SLC6A6: variants seen among roughly 807,000 people sequenced by gnomAD.
The protein encoded by SLC6A6 is sodium- and chloride-dependent taurine transporter.
Under a neutral mutation model 68.8 loss-of-function variants are expected in SLC6A6, and 16 were observed. The ratio of observed to expected loss-of-function variants is 0.23; its 90% CI spans 0.16 to 0.35. The LOEUF (loss-of-function observed/expected upper bound fraction) is 0.35, where lower values mean the gene tolerates loss of function less well. Ranked by LOEUF, SLC6A6 falls within the 10% of genes least tolerant of loss-of-function variation. The pLI is 1.00. For synonymous variants in SLC6A6, 312 were observed against 315.4 expected, an observed-to-expected ratio of 0.99 and a Z score of 0.12; for missense variants, 474 against 802.8, an observed-to-expected ratio of 0.59 and a Z score of 4.95.
At chr3:14,410,879 C>T (rs1401050479) in intron 1 of SLC6A6, among the ~76,000 whole-genome samples, 1 of 152,204 alleles carries the variant, frequency 6.6e-6, no homozygotes. Flanking sequence ...TCAGCAGAGT[C>T]ATGCTTACTG....
At chr3:14,459,916 G>A (rs1340271658) in intron 6 of SLC6A6, among the ~76,000 whole-genome samples, 1 of 92,326 alleles carries the variant, frequency 1.1e-5, no homozygotes, top group Admixed American at 1.5e-4. Context: ...TTTGTAATTT[G>A]AGGTGGGGTC....
chr3:14,449,932 G>C (rs747290060), intron 5 of SLC6A6, among the ~76,000 whole-genome samples: 4 of 151,812 alleles, frequency 2.6e-5, no homozygotes, highest in African/African-American at 4.8e-5. Flanking sequence ...TTGTATTTTT[G>C]GTAGAGATGG....
intron 1 of SLC6A6, among the ~76,000 whole-genome samples, chr3:14,408,191 C>CCATT (rs1229133970): frequency 6.6e-6 from 1 of 152,272 alleles, no homozygotes; most frequent in Non-Finnish European, 1.5e-5. Context: ...AACTGGTAAA[C>CCATT]CATTCACTTT....
chr3:14,444,999 A>C (rs1042167903), intron 3 of SLC6A6: 1 of 376,282 alleles, frequency 2.7e-6, no homozygotes, highest in Non-Finnish European at 5.3e-6. Context: ...TGCCCTGGGC[A>C]GGCCTGGGGA....
chr3:14,460,488 A>G (rs945975874), intron 6 of SLC6A6, among the ~76,000 whole-genome samples: 4 of 151,986 alleles, frequency 2.6e-5, no homozygotes, highest in African/African-American at 9.7e-5. Flanking sequence ...TGGAGGGGAA[A>G]ATCTCCAGGT....
intron 6 of SLC6A6, among the ~76,000 whole-genome samples, chr3:14,461,630 G>C (rs542618160): frequency 6.6e-6 from 1 of 152,288 alleles, no homozygotes; most frequent in South Asian, 2.1e-4. Context: ...AGCTCTTTTT[G>C]CCTGGTTAAA....
intron 7 of SLC6A6, among the ~76,000 whole-genome samples, chr3:14,467,629 C>T (rs983339794): frequency 6.6e-6 from 1 of 152,200 alleles, no homozygotes; most frequent in African/African-American, 2.4e-5. Context: ...CCTCTTAACC[C>T]TGATGCTAGG....
chr3:14,466,204 G>T (rs1190340046), intron 6 of SLC6A6, among the ~76,000 whole-genome samples: 1 of 150,524 alleles, frequency 6.6e-6, no homozygotes, highest in African/African-American at 2.4e-5. Flanking sequence ...GGAGGTTGCA[G>T]TGAGCCGAGA....
chr3:14,488,878 A>G lies in SLC6A6; in HGVS notation c.*3871A>G. On this transcript the variant is annotated 3_prime_UTR_variant, in exon 15 of 15. Coordinates refer to ENST00000622186, the MANE Select transcript of SLC6A6 (RefSeq NM_003043.6). ...TCTCCGAGGGATGGAGCATCCTGTT[A>G]TATATTTGACTTCAAATTGAGATGT... 6.6e-6 allele frequency: 1 copy of G among 152,352 alleles called. No homozygotes were observed. The highest frequency in any genetic ancestry group is 1.9e-4 in the East Asian group (1 of 5,190). The allele number at this position is 152,352 out of a possible 1,614,324, so 9.4% of individuals were successfully genotyped here.
At chr3:14,461,924 C>T (rs568663242) in intron 6 of SLC6A6, among the ~76,000 whole-genome samples, 48 of 152,080 alleles carry the variant, frequency 3.2e-4, no homozygotes, top group Non-Finnish European at 4.7e-4. Context: ...AAAGGATGCC[C>T]GGCTCCCCCT....
Position 14,443,855 on chromosome 3 carries a change from A to G in SLC6A6, c.221A>G (p.Asn74Ser). The change falls in exon 3 of 15, where the codon AAT (asparagine) becomes AGT (serine). Residue 74 changes from asparagine to serine, a missense_variant. By Grantham distance (46) the Asn-to-Ser change is conservative (BLOSUM62 1). Around this residue, in one of 2 missense-constraint regions of SLC6A6, gnomAD observed 280 missense variants for 533.1 expected, o/e 0.53. Transcript: ENST00000622186. ...CGCTTCCCGTACCTCTGCTACAAGAATGGTGGAGGTGAGCTTGGGCCGGGC... is the reference window on the plus strand; with the variant it reads ...CGCTTCCCGTACCTCTGCTACAAGAGTGGTGGAGGTGAGCTTGGGCCGGGC... ...VWRFPYLCYKNGGGAFLIPYF... is the reference protein window; with the variant it reads ...VWRFPYLCYKSGGGAFLIPYF... 3 of 1,611,274 alleles carry G rather than the reference A, an allele frequency of 1.9e-6. No homozygotes were observed. The highest frequency in any genetic ancestry group is 2.5e-6 in the Non-Finnish European group (3 of 1,177,422).
At chr3:14,480,994 A>G (rs1027576913) in intron 13 of SLC6A6, among the ~76,000 whole-genome samples, 6 of 152,196 alleles carry the variant, frequency 3.9e-5, no homozygotes, top group Admixed American at 2.6e-4. Context: ...AGAGATAGAC[A>G]TGGAGGGTGG....
At chr3:14,441,540 G>A (rs1289703624) in intron 2 of SLC6A6, among the ~76,000 whole-genome samples, 1 of 152,228 alleles carries the variant, frequency 6.6e-6, no homozygotes, top group East Asian at 1.9e-4. Flanking sequence ...TGGTCTGCTG[G>A]CCGCCAGATA....
intron 1 of SLC6A6, among the ~76,000 whole-genome samples, chr3:14,415,651 A>G (rs1337340514): frequency 6.6e-6 from 1 of 152,180 alleles, no homozygotes; most frequent in Non-Finnish European, 1.5e-5. Context: ...TGGTAGGAGG[A>G]GGTGATCTGC....
Position 14,481,486 on chromosome 3 carries a change from G to A in SLC6A6, c.1552-185G>A, listed in dbSNP as rs979644214. ...ACAGAAGGGTTTTGAGCAGGGAAACGACTTACTGTGTTTTTACCGGGGCGG... is the reference window on the plus strand; with the variant it reads ...ACAGAAGGGTTTTGAGCAGGGAAACAACTTACTGTGTTTTTACCGGGGCGG... On this transcript the variant is annotated intron_variant, in intron 13 of 14. Transcript: ENST00000622186. The surrounding 1 kb of genome is among the most constrained non-coding windows in gnomAD (Gnocchi z 4.7). Among the ~76,000 whole-genome samples the A allele has an allele frequency of 2.6e-5, 4 of 152,016 alleles. No individual in the cohort carries two copies. Among genetic ancestry groups the A allele is most frequent in the Non-Finnish European group, 4.4e-5 (3 of 68,016 alleles).
intron 1 of SLC6A6, among the ~76,000 whole-genome samples, chr3:14,407,243 T>TTTCACCATG (rs1699130531): frequency 6.6e-6 from 1 of 151,704 alleles, no homozygotes; most frequent in Non-Finnish European, 1.5e-5. Flanking sequence ...ACGGAGGAGG[T>TTTCACCATG]TTCACCATGT....
rs1336663997 is a variant in SLC6A6 at position 14,452,168 on chromosome 3, G to C, written c.599+4352G>C. ...CTCTGTTTTCACAGAGGAGGCAGCA[G>C]AGCAGCAATGGGTGACATTCCCCTT... is the stretch of plus-strand genomic sequence containing the variant. On this transcript the variant is annotated intron_variant, in intron 5 of 14. Coordinates refer to ENST00000622186, the MANE Select transcript of SLC6A6 (RefSeq NM_003043.6). Among the ~76,000 whole-genome samples the C allele has an allele frequency of 2.0e-5, 3 of 152,206 alleles. No individual in the cohort carries two copies. In the East Asian group the frequency reaches 5.8e-4, roughly 29 times the overall value.
chr3:14,443,883 C>T lies in SLC6A6; in HGVS notation c.229+20C>T. The stretch of plus-strand genomic sequence containing the variant: ...GTGGAGGTGAGCTTGGGCCGGGCCA[C>T]AGGGGAGCCCATCCAGTACAAAGCC... On this transcript the variant is annotated intron_variant, in intron 3 of 14. Transcript: ENST00000622186. 1 of 1,547,054 alleles carries T rather than the reference C, an allele frequency of 6.5e-7. No individual in the cohort carries two copies. The highest frequency in any genetic ancestry group is 8.9e-7 in the Non-Finnish European group (1 of 1,118,954).
Position 14,481,094 on chromosome 3 carries a change from C to T in SLC6A6, c.1552-577C>T, listed in dbSNP as rs1488803542. Among the ~76,000 whole-genome samples, 2 of 152,222 alleles carry T rather than the reference C, an allele frequency of 1.3e-5. No homozygotes were observed. Among genetic ancestry groups the T allele is most frequent in the Admixed American group, 1.3e-4 (2 of 15,284 alleles). On this transcript the variant is annotated intron_variant, in intron 13 of 14. Coordinates refer to ENST00000622186, the MANE Select transcript of SLC6A6 (RefSeq NM_003043.6). This position sits in a 1 kb window ranked among gnomAD's most constrained non-coding sequence, Gnocchi z 4.7. The stretch of plus-strand genomic sequence containing the variant: ...TGGAGCTGCACTGGGTGTTAAAGAA[C>T]TAGGACAAGACACACACATTCCTAC...
Sources: gnomAD v4.1 joint callset for allele counts (sites outside exome capture counted in the v4.1 genomes callset) on GRCh38, gnomAD v4.1.1 for gene constraint, gnomAD v4.1.1 regional missense constraint, Gnocchi (gnomAD v3.1) non-coding constraint, MANE v1.5 for transcripts, NCBI Gene and HGNC (gene_info 2026-07-23, HGNC 2026-07-21) for gene names.